The following KDM5A variants were observed in gnomAD, a reference collection of about 807,000 sequenced individuals.
KDM5A encodes the protein lysine demethylase 5A.
KDM5A carries 42 observed loss-of-function variants against 193.5 expected under a neutral mutation model. The ratio of observed to expected loss-of-function variants is 0.22; its 90% CI spans 0.17 to 0.28. The LOEUF (loss-of-function observed/expected upper bound fraction) is 0.28. KDM5A is among the 10% of genes least tolerant of loss of function. KDM5A has a pLI of 1.00. For missense variants in KDM5A, 1,692 were observed against 2,055.1 expected (o/e 0.82, Z 3.42); for synonymous variants, 796 against 718.1 (o/e 1.11, Z -1.73).
rs1943518490 is a variant in KDM5A, at chr12:307,201, G to A, written c.3931-112C>T. On this transcript the variant is annotated intron_variant, in intron 23 of 27. Coordinates refer to ENST00000399788, the MANE Select transcript of KDM5A (RefSeq NM_001042603.3). This position sits in a 1 kb window ranked among gnomAD's most constrained non-coding sequence, Gnocchi z 4.3. ...ATGAATAAGCAAAGTGGCTAACAGA[G>A]TTCTTCAACAGTTAGTAGAAATCAA... The A allele has an allele frequency of 7.9e-7, 1 of 1,261,194 alleles. No individual in the cohort carries two copies. The highest frequency in any genetic ancestry group is 1.2e-5 in the South Asian group (1 of 81,528). 78.1% of individuals were successfully genotyped at this position (1,261,194 alleles called of 1,614,324 possible).
At chr12:323,020 A>G (rs906900137) in intron 16 of KDM5A, 62 bp downstream of exon 16, 56 of 1,607,850 alleles carry the variant, frequency 3.5e-5, no homozygotes, top group Non-Finnish European at 4.7e-5. Context: ...TAAAACTAAA[A>G]CAAAGCCTCT....
At position 280,336 on chromosome 12, in the gene KDM5A, A is replaced by G. The variant is rs1943142105; in HGVS notation, c.*5120T>C. On this transcript the variant is annotated 3_prime_UTR_variant, in exon 28 of 28. Coordinates refer to ENST00000399788, the MANE Select transcript of KDM5A (RefSeq NM_001042603.3). ...AAGACCCCCAAGAAATACTTGATCT[A>G]AACTGGGAGGGTCCAACACAATTTT... is the stretch of plus-strand genomic sequence containing the variant. The G allele has an allele frequency of 4.3e-6, 1 of 233,098 alleles. No individual in the cohort carries two copies. The highest frequency in any genetic ancestry group is 6.0e-5 in the East Asian group (1 of 16,572). The allele number at this position is 233,098 out of a possible 1,614,324, so 14.4% of individuals were successfully genotyped here. A position where few individuals can be genotyped will look rare whatever the true frequency, so the allele number is the denominator to read the frequency against.
chr12:304,394 T>G (rs966412292), intron 24 of KDM5A, among the ~76,000 whole-genome samples: 1 of 150,626 alleles, frequency 6.6e-6, no homozygotes, highest in Non-Finnish European at 1.5e-5. Context: ...CAAATAAAAT[T>G]TTCATTATAC....
intron 10 of KDM5A, among the ~76,000 whole-genome samples, chr12:347,997 T>A (rs911881335): frequency 1.3e-5 from 2 of 151,684 alleles, no homozygotes; most frequent in Non-Finnish European, 2.9e-5. Context: ...GGGGAGAAAA[T>A]TTTTGCAATC....
In KDM5A at chr12:307,635, G is replaced by C. The variant is rs976778737; in HGVS notation, c.3749C>G (p.Thr1250Arg). The C allele has an allele frequency of 6.2e-7, 1 of 1,614,180 alleles. No individual in the cohort carries two copies. The highest frequency in any genetic ancestry group is 8.5e-7 in the Non-Finnish European group (1 of 1,180,034). ...LPEGEALQCL[T>R]ERAMSWQDRA... is the part of the protein sequence containing the mutation. ...ATCTTGCCAACTCATAGCACGTTCT[G>C]TCAAACACTGCAGGGCCTCTCCTTC... is the stretch of plus-strand genomic sequence containing the variant. The change falls in exon 23 of 28, where the codon ACA (threonine) becomes AGA (arginine). Residue 1250 changes from threonine to arginine, a missense_variant. Thr to Arg is a moderately conservative substitution (Grantham distance 71). Around this residue, in one of 11 missense-constraint regions of KDM5A, gnomAD observed 965 missense variants for 1,061.0 expected, o/e 0.91. Coordinates refer to ENST00000399788, the MANE Select transcript of KDM5A (RefSeq NM_001042603.3). This position sits in a 1 kb window ranked among gnomAD's most constrained non-coding sequence, Gnocchi z 4.3.
intron 6 of KDM5A, among the ~76,000 whole-genome samples, 169 bp downstream of exon 6, chr12:356,263 T>C (rs1400385204): frequency 6.6e-6 from 1 of 152,190 alleles, no homozygotes; most frequent in Non-Finnish European, 1.5e-5. Flanking sequence ...TCTTCACACC[T>C]GAAATTTAAG....
intron 1 of KDM5A, among the ~76,000 whole-genome samples, chr12:386,711 A>G (rs1023255604): frequency 6.6e-6 from 1 of 152,140 alleles, no homozygotes; most frequent in African/African-American, 2.4e-5. Context: ...AATAATTCAG[A>G]TTTTGGATGA....
intron 3 of KDM5A, among the ~76,000 whole-genome samples, chr12:370,958 T>C (rs1055537484): frequency 2.6e-5 from 4 of 152,244 alleles, no homozygotes; most frequent in Admixed American, 6.5e-5. Flanking sequence ...TCCTTTTTTA[T>C]GGCTGCATAG....
chr12:325,094 T>C (rs1419788486), intron 14 of KDM5A, among the ~76,000 whole-genome samples: 1 of 152,246 alleles, frequency 6.6e-6, no homozygotes, highest in Non-Finnish European at 1.5e-5. Flanking sequence ...ACACTGTTTT[T>C]GATATCAGTT....
intron 5 of KDM5A, among the ~76,000 whole-genome samples, chr12:361,163 A>G (rs558994186): frequency 2.0e-5 from 3 of 152,230 alleles, no homozygotes; most frequent in Admixed American, 6.5e-5. Flanking sequence ...CAACTATCAC[A>G]AAGGGTAAAA....
chr12:302,076 T>C (rs946958350), intron 24 of KDM5A, among the ~76,000 whole-genome samples: 1 of 152,062 alleles, frequency 6.6e-6, no homozygotes, highest in Non-Finnish European at 1.5e-5. Flanking sequence ...AGAATCAATA[T>C]CATGAAAATG....
intron 24 of KDM5A, among the ~76,000 whole-genome samples, chr12:301,294 A>G (rs1437418950): frequency 6.6e-6 from 1 of 152,252 alleles, no homozygotes; most frequent in Non-Finnish European, 1.5e-5. Context: ...ATACTGGCAA[A>G]CTGAATCCAG....
chr12:366,781 C>T (rs1024181732), intron 3 of KDM5A, among the ~76,000 whole-genome samples: 1 of 152,210 alleles, frequency 6.6e-6, no homozygotes, highest in Middle Eastern at 3.2e-3. Context: ...TTCAAAGCTC[C>T]TTAACGTCCA....
chr12:316,546 G>A (rs537727052), intron 19 of KDM5A, among the ~76,000 whole-genome samples: 1 of 149,618 alleles, frequency 6.7e-6, no homozygotes, highest in Non-Finnish European at 1.5e-5. Flanking sequence ...ATCAGAGACT[G>A]GGAAAACAAA....
At chr12:324,483 T>C (rs1323385644) in intron 14 of KDM5A, among the ~76,000 whole-genome samples, 1 of 152,114 alleles carries the variant, frequency 6.6e-6, no homozygotes, top group Non-Finnish European at 1.5e-5. Flanking sequence ...TACAAACATA[T>C]GTAAGGACAA....
intron 2 of KDM5A, 60 bp downstream of exon 2, chr12:385,837 T>C (rs561691154): frequency 2.3e-6 from 3 of 1,313,096 alleles, no homozygotes; most frequent in Non-Finnish European, 3.3e-6. Context: ...CAAAGTTCTC[T>C]ACCTACAGCC....
At chr12:339,163 A>G (rs562627032) in intron 10 of KDM5A, among the ~76,000 whole-genome samples, 7 of 145,906 alleles carry the variant, frequency 4.8e-5, no homozygotes, top group Non-Finnish European at 1.1e-4. Flanking sequence ...GGGCAACAAG[A>G]GCGAAACCCC....
chr12:286,856 C>T (rs1421072336), intron 27 of KDM5A, among the ~76,000 whole-genome samples: 3 of 152,180 alleles, frequency 2.0e-5, no homozygotes, highest in East Asian at 3.9e-4. Flanking sequence ...TGTTTTGTTC[C>T]TATGCTAAAG....
intron 10 of KDM5A, among the ~76,000 whole-genome samples, chr12:343,995 C>T (rs1014825631): frequency 2.6e-5 from 4 of 152,188 alleles, no homozygotes; most frequent in Admixed American, 1.3e-4. Context: ...TCAAACCCAT[C>T]GCAAGGAAGC....
Sources: gnomAD v4.1 joint callset for allele counts (sites outside exome capture counted in the v4.1 genomes callset) on GRCh38, gnomAD v4.1.1 for gene constraint, gnomAD v4.1.1 regional missense constraint, Gnocchi (gnomAD v3.1) non-coding constraint, MANE v1.5 for transcripts, NCBI Gene and HGNC (gene_info 2026-07-23, HGNC 2026-07-21) for gene names.